Variants in GAS2L3 observed in about 807,000 individuals in gnomAD.
GAS2L3 encodes the protein growth arrest specific 2 like 3.
GAS2L3 carries 28 observed loss-of-function variants against 37.0 expected under a neutral mutation model. The observed-to-expected ratio is 0.76, with a 90% confidence interval of 0.56 to 1.04. The LOEUF (loss-of-function observed/expected upper bound fraction) is 1.04, where lower values mean the gene tolerates loss of function less well. GAS2L3 is among the 50% of genes least tolerant of loss of function. The pLI, the probability that GAS2L3 is intolerant of heterozygous loss-of-function variation, is 0.00. For synonymous variants in GAS2L3, 290 were observed against 296.6 expected (o/e 0.98, Z 0.23); for missense variants, 793 against 817.6 (o/e 0.97, Z 0.37).
chr12:100,615,937 T>C (rs143968198), intron 6 of GAS2L3, among the ~76,000 whole-genome samples: 1 of 152,240 alleles, frequency 6.6e-6, no homozygotes, highest in East Asian at 1.9e-4. Flanking sequence ...CCAAATTTGT[T>C]CTTTTTCTAG....
chr12:100,622,328 TGAGTA>T lies in GAS2L3; in HGVS notation c.703_707del (p.Glu235PhefsTer3). On this transcript the variant is annotated frameshift_variant, in exon 9 of 10. Transcript: ENST00000547754. LOFTEE classifies it high-confidence loss of function. ...GTAGTTGTTCTCATCGATTTTCTAT[TGAGTA>T]TTTATCTGAAGGACGGTACCGACTA... 2 of 1,606,488 alleles carry T rather than the reference TGAGTA, an allele frequency of 1.2e-6. No homozygotes were observed. Among genetic ancestry groups the T allele is most frequent in the Admixed American group, 1.7e-5 (1 of 59,904 alleles).
Position 100,623,941 on chromosome 12 carries a change from C to T in GAS2L3, c.1136C>T (p.Ala379Val). 6.2e-7 allele frequency: 1 copy of T among 1,614,120 alleles called. No individual in the cohort carries two copies. The highest frequency in any genetic ancestry group is 1.1e-5 in the South Asian group (1 of 91,080). The change falls in exon 10 of 10, where the codon GCA (alanine) becomes GTA (valine). Residue 379 changes from alanine to valine, a missense_variant. Coordinates refer to ENST00000547754, the MANE Select transcript of GAS2L3 (RefSeq NM_174942.3). ...TCTAAATTGCCAAATTCTCCAGCAG[C>T]ATCTTCTCATCCCAAGCTCAAGTCT... is the stretch of plus-strand genomic sequence containing the variant. ...VRSKLPNSPAASSHPKLKSSK... is the reference protein window; with the variant it reads ...VRSKLPNSPAVSSHPKLKSSK...
intron 2 of GAS2L3, among the ~76,000 whole-genome samples, chr12:100,594,155 A>C (rs1481796903): frequency 6.6e-6 from 1 of 152,084 alleles, no homozygotes; most frequent in African/African-American, 2.4e-5. Flanking sequence ...AGCAATAAAA[A>C]ATCCTAGGTT....
Position 100,624,662 on chromosome 12 carries a change from C to A in GAS2L3, c.1857C>A (p.Pro619=). The part of the protein sequence containing the change: ...GRTPLSIVSL[P]QSSTKTQTAP... ...CCCCACTGTCCATCGTGAGCCTACC[C>A]CAGTCTTCTACCAAAACACAAACTG... The change falls in exon 10 of 10, where the codon CCC becomes CCA. Residue 619 remains proline, a synonymous_variant. Transcript: ENST00000547754. 1 of 1,614,100 alleles carries A rather than the reference C, an allele frequency of 6.2e-7. No homozygotes were observed.
chr12:100,589,533 GA>G (rs1177630575), intron 1 of GAS2L3, among the ~76,000 whole-genome samples: 1 of 151,848 alleles, frequency 6.6e-6, no homozygotes, highest in East Asian at 1.9e-4. Flanking sequence ...AATCCCCATC[GA>G]AATACCACCA....
Position 100,617,816 on chromosome 12 carries a change from TC to T in GAS2L3, c.509+11del. On this transcript the variant is annotated intron_variant, in intron 7 of 9. Coordinates refer to ENST00000547754, the MANE Select transcript of GAS2L3 (RefSeq NM_174942.3). ...GGTCGAATTGTGTCAAGGTATGTAT[TC>T]CACAATATTTCAGAATTTCAATGTT... The T allele has an allele frequency of 6.7e-7, 1 of 1,500,820 alleles. No individual in the cohort carries two copies. The highest frequency in any genetic ancestry group is 9.3e-7 in the Non-Finnish European group (1 of 1,079,824). The allele number at this position is 1,500,820 out of a possible 1,614,324, so 93.0% of individuals were successfully genotyped here.
intron 5 of GAS2L3, among the ~76,000 whole-genome samples, chr12:100,602,315 G>T (rs555477415): frequency 2.0e-5 from 3 of 152,002 alleles, no homozygotes; most frequent in Non-Finnish European, 4.4e-5. Context: ...CTGAAGTCAT[G>T]ATTTGAAGTA....
At position 100,613,752 on chromosome 12, in the gene GAS2L3, G is replaced by A. The variant is rs188292442; in HGVS notation, c.445+1611G>A. On this transcript the variant is annotated intron_variant, in intron 6 of 9. Transcript: ENST00000547754. ...TGGGACTACAGGCACCTGCCACCAC[G>A]CCTGGCTAATTTTTTGTATTTTTAG... Among the ~76,000 whole-genome samples the A allele has an allele frequency of 2.8e-3, 433 of 152,034 alleles. 2 individuals carry two copies. The highest frequency in any genetic ancestry group is 9.7e-3 in the African/African-American group (402 of 41,456).
intron 5 of GAS2L3, among the ~76,000 whole-genome samples, chr12:100,607,467 A>C (rs1956071494): frequency 6.6e-6 from 1 of 151,926 alleles, no homozygotes; most frequent in African/African-American, 2.4e-5. Context: ...ATCTTTCTCT[A>C]GGTTTGGGAA....
intron 1 of GAS2L3, among the ~76,000 whole-genome samples, chr12:100,584,669 G>A (rs1955756357): frequency 6.6e-6 from 1 of 151,934 alleles, no homozygotes; most frequent in African/African-American, 2.4e-5. Flanking sequence ...CGCATCCCAG[G>A]TTCAAGCAAT....
intron 1 of GAS2L3, among the ~76,000 whole-genome samples, chr12:100,576,073 A>G (rs2136359781): frequency 6.6e-6 from 1 of 152,350 alleles, no homozygotes; most frequent in South Asian, 2.1e-4. Context: ...TAGTAAAAAA[A>G]ACAGTGATAT....
intron 5 of GAS2L3, among the ~76,000 whole-genome samples, chr12:100,607,928 T>C (rs985380378): frequency 6.6e-6 from 1 of 152,164 alleles, no homozygotes; most frequent in Non-Finnish European, 1.5e-5. Flanking sequence ...TGGTACCTTA[T>C]TGGTGAGGTC....
At chr12:100,579,878 C>T (rs1184727750) in intron 1 of GAS2L3, 1 of 751,740 alleles carries the variant, frequency 1.3e-6, no homozygotes, top group Non-Finnish European at 2.5e-6. Context: ...ATATCCGTAA[C>T]ATAGTAAAGA....
At chr12:100,622,908 C>T (rs979293) in intron 9 of GAS2L3, among the ~76,000 whole-genome samples, 108,364 of 151,822 alleles carry the variant, frequency 0.71, 39,215 homozygotes, top group East Asian at 0.95. Flanking sequence ...TTTCCTTCCT[C>T]TGTCCCATCT....
In GAS2L3 at chr12:100,622,182, G is replaced by C. The variant is rs1772978762; in HGVS notation, c.649-93G>C. On this transcript the variant is annotated intron_variant, in intron 8 of 9. Coordinates refer to ENST00000547754, the MANE Select transcript of GAS2L3 (RefSeq NM_174942.3). ...TATTGAACCTGAAATTTTTATCTTT[G>C]AGTTTGGTTTTCCTTAGCTATCAAA... 3 of 591,302 alleles carry C rather than the reference G, an allele frequency of 5.1e-6. No individual in the cohort carries two copies. The South Asian group carries it at 8.3e-5, about 16-fold the overall frequency. The allele number at this position is 591,302 out of a possible 1,614,324, so 36.6% of individuals were successfully genotyped here. A position where few individuals can be genotyped will look rare whatever the true frequency, so the allele number is the denominator to read the frequency against.
At chr12:100,616,828 GC>G (rs1255509232) in intron 6 of GAS2L3, among the ~76,000 whole-genome samples, 2 of 152,062 alleles carry the variant, frequency 1.3e-5, no homozygotes, top group African/African-American at 4.8e-5. Flanking sequence ...TTGCATAAAT[GC>G]CATGGCTACA....
intron 5 of GAS2L3, among the ~76,000 whole-genome samples, chr12:100,608,989 C>T (rs79814336): frequency 0.019 from 2,879 of 152,318 alleles, 75 homozygotes; most frequent in African/African-American, 0.06. Flanking sequence ...CCACTGCTAA[C>T]AGAACCCAAG....
rs1036086854 is a variant in GAS2L3 at position 100,627,103 on chromosome 12, A to AG, written c.*2214dup. On this transcript the variant is annotated 3_prime_UTR_variant, in exon 10 of 10. Transcript: ENST00000547754. ...GACTCTGTCTCAAAAAAAAAAAAAA[A>AG]GAAAAAGAAAAGAAAAAGGTTTATT... Among the ~76,000 whole-genome samples the AG allele has an allele frequency of 2.7e-5, 4 of 150,136 alleles. No individual in the cohort carries two copies. The highest frequency in any genetic ancestry group is 9.8e-5 in the African/African-American group (4 of 40,698).
intron 3 of GAS2L3, among the ~76,000 whole-genome samples, chr12:100,595,316 A>T (rs1443596790): frequency 6.6e-6 from 1 of 151,642 alleles, no homozygotes; most frequent in Non-Finnish European, 1.5e-5. Context: ...GAAAACAAAT[A>T]TATGTTTTTA....
Sources: gnomAD v4.1 joint callset for allele counts (sites outside exome capture counted in the v4.1 genomes callset) on GRCh38, gnomAD v4.1.1 for gene constraint, MANE v1.5 for transcripts, NCBI Gene and HGNC (gene_info 2026-07-23, HGNC 2026-07-21) for gene names.